Variants in CLMP observed in about 807,000 individuals in gnomAD.
CLMP encodes CXADR-like membrane protein.
A neutral mutation model predicts 45.2 loss-of-function variants in CLMP; 27 were observed. That is an observed-to-expected ratio of 0.60 (90% CI 0.44 to 0.82). The LOEUF is 0.82. CLMP is among the 40% of genes least tolerant of loss of function. CLMP has a pLI of 0.00. For missense variants in CLMP, 403 were observed against 448.4 expected (o/e 0.90, Z 0.91); for synonymous variants, 167 against 171.4 (o/e 0.97, Z 0.20).
intron 1 of CLMP, among the ~76,000 whole-genome samples, chr11:123,163,356 A>G (rs1011195276): frequency 2.6e-5 from 4 of 152,208 alleles, no homozygotes; most frequent in African/African-American, 9.7e-5. Context: ...CACATGTAGC[A>G]TGGAGCAGAA....
rs1865678210 is a variant in CLMP, at chr11:123,072,051, C to T, written c.*1423G>A. The T allele has an allele frequency of 6.6e-6, 1 of 152,176 alleles. No individual in the cohort carries two copies. Among genetic ancestry groups the T allele is most frequent in the African/African-American group, 2.4e-5 (1 of 41,442 alleles). 9.4% of individuals were successfully genotyped at this position (152,176 alleles called of 1,614,324 possible). A position where few individuals can be genotyped will look rare whatever the true frequency, so the allele number is the denominator to read the frequency against. On this transcript the variant is annotated 3_prime_UTR_variant, in exon 7 of 7. Transcript: ENST00000448775. ...CTCATCTCTTCCCTAAATATTAGTA[C>T]CCTTTTCTTCCAGCCCAGAGCTAGA...
intron 2 of CLMP, among the ~76,000 whole-genome samples, chr11:123,089,789 A>G (rs548195380): frequency 0.011 from 1,483 of 137,496 alleles, 17 homozygotes; most frequent in Admixed American, 0.017. Context: ...AAAAAAAAAA[A>G]AAAAGAAAAA....
chr11:123,180,438 C>T (rs986882631), intron 1 of CLMP, among the ~76,000 whole-genome samples: 16 of 152,080 alleles, frequency 1.1e-4, no homozygotes, highest in African/African-American at 3.6e-4. Context: ...TCTCTATGAA[C>T]GAGGAAGCAG....
chr11:123,168,515 G>A (rs1861589484), intron 1 of CLMP, among the ~76,000 whole-genome samples: 1 of 152,198 alleles, frequency 6.6e-6, no homozygotes, highest in Non-Finnish European at 1.5e-5. Flanking sequence ...AAGCCTTGGG[G>A]CTGCTTTTCT....
At chr11:123,150,586 G>A (rs1017864733) in intron 1 of CLMP, among the ~76,000 whole-genome samples, 5 of 133,574 alleles carry the variant, frequency 3.7e-5, no homozygotes, top group Admixed American at 1.7e-4. Flanking sequence ...GGAAGGAAAG[G>A]AAGGAAGGAA....
chr11:123,135,823 C>T, intron 1 of CLMP: 1 of 363,268 alleles, frequency 2.8e-6, no homozygotes, highest in Non-Finnish European at 5.5e-6. Context: ...TTTCTCCTTG[C>T]CCTACAGACT....
chr11:123,149,707 G>A (rs1435540288), intron 1 of CLMP, among the ~76,000 whole-genome samples: 1 of 152,150 alleles, frequency 6.6e-6, no homozygotes, highest in African/African-American at 2.4e-5. Context: ...CCTGGAACTG[G>A]GAACAAGTGG....
chr11:123,113,320 C>T (rs1860668481), intron 1 of CLMP, among the ~76,000 whole-genome samples: 1 of 152,102 alleles, frequency 6.6e-6, no homozygotes, highest in Non-Finnish European at 1.5e-5. Context: ...TTTTGTGTAT[C>T]AAGAGATCAC....
intron 5 of CLMP, among the ~76,000 whole-genome samples, chr11:123,080,147 G>C (rs1391556929): frequency 6.6e-6 from 1 of 152,134 alleles, no homozygotes; most frequent in Non-Finnish European, 1.5e-5. Flanking sequence ...TTCCCATAAA[G>C]TGAGTGATCT....
intron 1 of CLMP, among the ~76,000 whole-genome samples, chr11:123,115,750 C>G (rs1860711865): frequency 6.6e-6 from 1 of 152,120 alleles, no homozygotes; most frequent in Non-Finnish European, 1.5e-5. Context: ...TTGTTGAGCT[C>G]TTTATGATGG....
At chr11:123,147,972 G>A (rs962788976) in intron 1 of CLMP, among the ~76,000 whole-genome samples, 5 of 152,094 alleles carry the variant, frequency 3.3e-5, no homozygotes, top group African/African-American at 7.2e-5. Flanking sequence ...GCCACCGTGC[G>A]TGGCTTAGAC....
rs564915868 is a variant in CLMP at position 123,194,429 on chromosome 11, T to G, written c.28+484A>C. Among the ~76,000 whole-genome samples the G allele has an allele frequency of 2.0e-5, 3 of 152,152 alleles. No individual in the cohort carries two copies. The East Asian group carries it at 5.8e-4, about 29-fold the overall frequency. On this transcript the variant is annotated intron_variant, in intron 1 of 6. Coordinates refer to ENST00000448775, the MANE Select transcript of CLMP (RefSeq NM_024769.5). ...ACTTGGGGCATTTGCATCTTCCTGG[T>G]GCTCCTTGGGCCCTGCCCTTTTTCC...
chr11:123,134,412 T>G (rs1171627693), intron 1 of CLMP, among the ~76,000 whole-genome samples: 1 of 152,148 alleles, frequency 6.6e-6, no homozygotes, highest in Non-Finnish European at 1.5e-5. Flanking sequence ...ATGATTAATT[T>G]TTTCTTTCAC....
At chr11:123,170,203 A>T (rs1241550181) in intron 1 of CLMP, among the ~76,000 whole-genome samples, 9 of 152,156 alleles carry the variant, frequency 5.9e-5, no homozygotes, top group African/African-American at 2.2e-4. Context: ...AAATATTTTC[A>T]TTTCCTTCCT....
At position 123,143,812 on chromosome 11, in the gene CLMP, A is replaced by ATTT. The variant is rs60758870; in HGVS notation, c.29-45863_29-45861dup. Among the ~76,000 whole-genome samples, 85 of 146,090 alleles carry ATTT rather than the reference A, an allele frequency of 5.8e-4. 1 individual carries two copies. The highest frequency in any genetic ancestry group is 2.0e-3 in the African/African-American group (79 of 39,584). ...AACACCTTGACTATAGTCTTGTGAG[A>ATTT]TTTTTTTTTTTTTTGAGATGGAGTC... On this transcript the variant is annotated intron_variant, in intron 1 of 6. Transcript: ENST00000448775.
intron 1 of CLMP, among the ~76,000 whole-genome samples, chr11:123,166,526 G>A (rs957859312): frequency 1.3e-5 from 2 of 152,334 alleles, no homozygotes; most frequent in Middle Eastern, 3.4e-3. Context: ...AGAGCAGGCC[G>A]TGTTTGGACT....
chr11:123,181,031 G>A (rs546143808), intron 1 of CLMP, among the ~76,000 whole-genome samples: 14 of 152,296 alleles, frequency 9.2e-5, no homozygotes, highest in Admixed American at 2.6e-4. Flanking sequence ...AGTGTCAAGA[G>A]CATCAGCTCA....
chr11:123,178,973 A>G lies in CLMP; in HGVS notation c.28+15940T>C, dbSNP rs565830202. On this transcript the variant is annotated intron_variant, in intron 1 of 6. Transcript: ENST00000448775. ...AAATTTAAAAAGTGTTTTTTTAGGGATTGTGTCTCCCTATGTTGCTCAGGC... is the reference window on the plus strand; with the variant it reads ...AAATTTAAAAAGTGTTTTTTTAGGGGTTGTGTCTCCCTATGTTGCTCAGGC... 2.0e-5 allele frequency among the ~76,000 whole-genome samples: 3 copies of G among 152,198 alleles called. No homozygotes were observed. The East Asian group carries it at 5.8e-4, about 29-fold the overall frequency.
intron 1 of CLMP, among the ~76,000 whole-genome samples, chr11:123,110,158 C>T (rs1389745971): frequency 1.3e-5 from 2 of 152,016 alleles, no homozygotes; most frequent in Non-Finnish European, 2.9e-5. Flanking sequence ...TCCTGGAGTC[C>T]TTGAAATAAG....
Sources: allele counts gnomAD v4.1 joint callset (sites outside exome capture counted in the v4.1 genomes callset), GRCh38; gene constraint gnomAD v4.1.1; transcripts MANE v1.5; gene names NCBI Gene and HGNC (gene_info 2026-07-23, HGNC 2026-07-21).